Variants in TRHDE observed in about 807,000 individuals in gnomAD.
TRHDE encodes the protein thyrotropin releasing hormone degrading enzyme.
Under a neutral mutation model 125.7 loss-of-function variants are expected in TRHDE, and 72 were observed. The ratio of observed to expected loss-of-function variants is 0.57; its 90% confidence interval spans 0.47 to 0.70. The LOEUF is 0.70. Ranked by LOEUF, TRHDE falls within the 30% of genes least tolerant of loss-of-function variation. The pLI, the probability that TRHDE is intolerant of heterozygous loss-of-function variation, is 0.00. For synonymous variants in TRHDE, 509 were observed against 509.1 expected (o/e 1.00, Z 0.00); for missense variants, 1,110 against 1,327.1 (o/e 0.84, Z 2.54).
intron 6 of TRHDE, among the ~76,000 whole-genome samples, chr12:72,537,958 T>A (rs1249661238): frequency 1.3e-5 from 2 of 152,104 alleles, no homozygotes; most frequent in Non-Finnish European, 1.5e-5. Flanking sequence ...ATTTCCCTTT[T>A]CTGCCTCAGT....
chr12:72,471,125 C>T (rs939822198), intron 4 of TRHDE, among the ~76,000 whole-genome samples: 1 of 151,774 alleles, frequency 6.6e-6, no homozygotes, highest in Non-Finnish European at 1.5e-5. Context: ...TGATCCACCC[C>T]CCTCGACCTC....
intron 10 of TRHDE, among the ~76,000 whole-genome samples, chr12:72,570,135 TG>T (rs1428647460): frequency 6.6e-6 from 1 of 152,198 alleles, no homozygotes; most frequent in Non-Finnish European, 1.5e-5. Flanking sequence ...TGATCAAACA[TG>T]GGGATTAGCC....
chr12:72,372,707 C>T (rs1416816734), intron 2 of TRHDE, among the ~76,000 whole-genome samples: 42 of 151,576 alleles, frequency 2.8e-4, no homozygotes, highest in Middle Eastern at 3.4e-3. Context: ...TGTAGATATG[C>T]GGCACTATTT....
At chr12:72,607,942 G>A (rs1872514830) in intron 12 of TRHDE, among the ~76,000 whole-genome samples, 2 of 151,952 alleles carry the variant, frequency 1.3e-5, no homozygotes, top group Admixed American at 1.3e-4. Flanking sequence ...ACTTTTTGGA[G>A]TGTTGTATTG....
At chr12:72,212,628 A>G (rs1877806761) in intron 2 of TRHDE, among the ~76,000 whole-genome samples, 1 of 152,300 alleles carries the variant, frequency 6.6e-6, no homozygotes, top group Non-Finnish European at 1.5e-5. Context: ...ATTAAACTAC[A>G]ATGAGATACC....
intron 1 of TRHDE, among the ~76,000 whole-genome samples, chr12:72,282,907 T>TA (rs1879747837): frequency 6.6e-6 from 1 of 152,208 alleles, no homozygotes; most frequent in Admixed American, 6.5e-5. Context: ...GGAGAGATGA[T>TA]ACTGGCATCT....
At chr12:72,364,492 G>C (rs1871262026) in intron 2 of TRHDE, among the ~76,000 whole-genome samples, 1 of 151,894 alleles carries the variant, frequency 6.6e-6, no homozygotes, top group Non-Finnish European at 1.5e-5. Flanking sequence ...TTCCATAGTA[G>C]GGATTTCTAC....
At chr12:72,366,732 T>C (rs1871354247) in intron 2 of TRHDE, among the ~76,000 whole-genome samples, 1 of 151,962 alleles carries the variant, frequency 6.6e-6, no homozygotes, top group African/African-American at 2.4e-5. Flanking sequence ...TTCAGAATTT[T>C]TAGTGAGTGT....
In TRHDE at chr12:72,560,493, T is replaced by C. The variant is rs145764407; in HGVS notation, c.1789-1672T>C. Reference sequence around the variant, plus strand: ...ATAAACAGAACCTAAGAGTAAAGAGTTCTAATATTAGCACCTTTTATTATT... The same window carrying C: ...ATAAACAGAACCTAAGAGTAAAGAGCTCTAATATTAGCACCTTTTATTATT... On this transcript the variant is annotated intron_variant, in intron 7 of 18. Transcript: ENST00000261180. The C allele has an allele frequency of 1.8e-3, 267 of 151,996 alleles. 2 individuals carry two copies. The highest frequency in any genetic ancestry group is 6.2e-3 in the African/African-American group (256 of 41,440). The allele number at this position is 151,996 out of a possible 1,614,324, so 9.4% of individuals were successfully genotyped here. A position where few individuals can be genotyped will look rare whatever the true frequency, so the allele number is the denominator to read the frequency against.
chr12:72,135,479 A>G (rs1014516450), intron 2 of TRHDE, among the ~76,000 whole-genome samples: 1 of 152,066 alleles, frequency 6.6e-6, no homozygotes, highest in African/African-American at 2.4e-5. Context: ...AGTGGTTGGT[A>G]GCCTTGCTAG....
At chr12:72,283,774 A>G (rs1565683670) in intron 1 of TRHDE, among the ~76,000 whole-genome samples, 1 of 152,102 alleles carries the variant, frequency 6.6e-6, no homozygotes, top group Non-Finnish European at 1.5e-5. Flanking sequence ...TTAATATCAA[A>G]GACATCTTTG....
chr12:72,316,693 T>G (rs577626129), intron 2 of TRHDE, among the ~76,000 whole-genome samples: 2 of 152,342 alleles, frequency 1.3e-5, no homozygotes, highest in South Asian at 4.1e-4. Flanking sequence ...GGCTCTAAAA[T>G]TTATTCATGT....
At chr12:72,266,724 C>A (rs1257671109) in intron 2 of TRHDE, among the ~76,000 whole-genome samples, 1 of 151,912 alleles carries the variant, frequency 6.6e-6, no homozygotes, top group African/African-American at 2.4e-5. Context: ...ATTTGGCTTA[C>A]CTTTCAGGAA....
intron 3 of TRHDE, among the ~76,000 whole-genome samples, chr12:72,452,927 C>T (rs1875651638): frequency 6.6e-6 from 1 of 152,114 alleles, no homozygotes; most frequent in Non-Finnish European, 1.5e-5. Flanking sequence ...AACCATGAGG[C>T]AATTAAACAT....
At chr12:72,535,617 AG>A (rs992460484) in intron 6 of TRHDE, among the ~76,000 whole-genome samples, 13 of 151,960 alleles carry the variant, frequency 8.6e-5, no homozygotes, top group African/African-American at 3.1e-4. Flanking sequence ...CTTGTGAGTA[AG>A]GGATATTCAG....
intron 10 of TRHDE, among the ~76,000 whole-genome samples, chr12:72,573,930 T>TTTCTAATA (rs1870865279): frequency 6.6e-6 from 1 of 152,040 alleles, no homozygotes; most frequent in African/African-American, 2.4e-5. Flanking sequence ...GGTGGGAAGT[T>TTTCTAATA]GTGATATTAG....
intron 6 of TRHDE, among the ~76,000 whole-genome samples, chr12:72,535,619 G>A (rs1868815849): frequency 6.6e-6 from 1 of 151,580 alleles, no homozygotes; most frequent in Admixed American, 6.6e-5. Flanking sequence ...TGTGAGTAAG[G>A]GATATTCAGG....
At chr12:72,558,052 A>G (rs986155458) in intron 7 of TRHDE, among the ~76,000 whole-genome samples, 2 of 152,036 alleles carry the variant, frequency 1.3e-5, no homozygotes, top group Non-Finnish European at 2.9e-5. Flanking sequence ...GGAGAGAGAG[A>G]GAGAGAGAGA....
chr12:72,323,991 C>CCT (rs1869221821), intron 2 of TRHDE, among the ~76,000 whole-genome samples: 1 of 152,118 alleles, frequency 6.6e-6, no homozygotes, highest in Non-Finnish European at 1.5e-5. Context: ...TTTATGCTTT[C>CCT]TGAGACCAAA....
Sources: allele counts gnomAD v4.1 joint callset (sites outside exome capture counted in the v4.1 genomes callset), GRCh38; gene constraint gnomAD v4.1.1; transcripts MANE v1.5; gene names NCBI Gene and HGNC (gene_info 2026-07-23, HGNC 2026-07-21).